Variants in CCSER1 observed in about 807,000 individuals in gnomAD.
CCSER1 encodes coiled-coil serine rich protein 1, also known as serine-rich coiled-coil domain-containing protein 1.
In CCSER1, 41 loss-of-function variants were observed where a neutral mutation model predicts 82.0. That is an observed-to-expected ratio of 0.50 (90% CI 0.39 to 0.65). The LOEUF (loss-of-function observed/expected upper bound fraction) is 0.65, where lower values mean the gene tolerates loss of function less well. CCSER1 is among the 30% of genes least tolerant of loss of function. The probability of loss-of-function intolerance (pLI) is 0.00; values close to 1 mark genes in which losing one functional copy is unlikely to be tolerated. For missense variants in CCSER1, 1,119 were observed against 1,064.2 expected (o/e 1.05, Z -0.72); for synonymous variants, 414 against 383.9 (o/e 1.08, Z -0.92).
intron 1 of CCSER1, among the ~76,000 whole-genome samples, chr4:90,234,480 GT>G (rs1460750757): frequency 6.6e-6 from 1 of 152,130 alleles, no homozygotes; most frequent in Non-Finnish European, 1.5e-5. Flanking sequence ...GCCTCCCAAA[GT>G]GCTAGGATTA....
chr4:91,254,454 CA>C (rs1482685955), intron 10 of CCSER1, among the ~76,000 whole-genome samples: 1 of 152,044 alleles, frequency 6.6e-6, no homozygotes, highest in African/African-American at 2.4e-5. Flanking sequence ...CATAAAATGA[CA>C]AGTACTATCT....
At chr4:90,892,546 C>A (rs1385760029) in intron 8 of CCSER1, among the ~76,000 whole-genome samples, 1 of 151,850 alleles carries the variant, frequency 6.6e-6, no homozygotes, top group East Asian at 1.9e-4. Context: ...ATTTTGTTCT[C>A]ACGTCTTCAA....
chr4:90,956,019 G>A (rs934656894), intron 9 of CCSER1, among the ~76,000 whole-genome samples: 1 of 151,836 alleles, frequency 6.6e-6, no homozygotes, highest in Admixed American at 6.6e-5. Context: ...TGTTTATTCT[G>A]TGTCTCTCTG....
intron 10 of CCSER1, among the ~76,000 whole-genome samples, chr4:91,519,943 TTTG>T (rs1179502875): frequency 6.6e-6 from 1 of 152,214 alleles, no homozygotes; most frequent in Non-Finnish European, 1.5e-5. Context: ...CTTCCCCCAA[TTTG>T]TTTTTTTAGA....
intron 10 of CCSER1, among the ~76,000 whole-genome samples, chr4:91,208,796 CT>C (rs1418110368): frequency 6.6e-6 from 1 of 151,904 alleles, no homozygotes; most frequent in Non-Finnish European, 1.5e-5. Flanking sequence ...CTATAAATTG[CT>C]TTGGGCAGTA....
At chr4:90,689,791 G>A (rs1463506175) in intron 6 of CCSER1, among the ~76,000 whole-genome samples, 2 of 152,110 alleles carry the variant, frequency 1.3e-5, no homozygotes, top group Non-Finnish European at 2.9e-5. Context: ...CTGATTCTGT[G>A]GGAAGCTCTG....
intron 8 of CCSER1, among the ~76,000 whole-genome samples, chr4:90,821,416 T>C (rs1394216561): frequency 6.6e-6 from 1 of 152,110 alleles, no homozygotes; most frequent in African/African-American, 2.4e-5. Flanking sequence ...GAACCAACGT[T>C]CAGAATCAAA....
intron 10 of CCSER1, among the ~76,000 whole-genome samples, chr4:91,210,023 G>A (rs1008240183): frequency 2.6e-5 from 4 of 151,552 alleles, no homozygotes; most frequent in African/African-American, 9.7e-5. Context: ...GGCTACTCTA[G>A]GGCTAGGGTA....
intron 10 of CCSER1, among the ~76,000 whole-genome samples, chr4:91,131,589 A>T (rs774669233): frequency 1.5e-4 from 23 of 152,132 alleles, no homozygotes; most frequent in Non-Finnish European, 2.6e-4. Context: ...GTTCATTAAA[A>T]GAAAAAATCT....
chr4:90,165,216 G>A (rs1204327659), intron 1 of CCSER1, among the ~76,000 whole-genome samples: 1 of 151,960 alleles, frequency 6.6e-6, no homozygotes, highest in Non-Finnish European at 1.5e-5. Context: ...CACAATAGCT[G>A]GTGTTATGCC....
chr4:90,606,181 T>C (rs1050142769), intron 5 of CCSER1, among the ~76,000 whole-genome samples: 1 of 142,140 alleles, frequency 7.0e-6, no homozygotes, highest in Non-Finnish European at 1.5e-5. Flanking sequence ...CCATTATCTC[T>C]TCCTTGCCAT....
At chr4:90,785,893 T>C (rs79034740) in intron 7 of CCSER1, among the ~76,000 whole-genome samples, 28,309 of 152,204 alleles carry the variant, frequency 0.19, 3,296 homozygotes, top group South Asian at 0.27. Flanking sequence ...CAATTGCTTG[T>C]TATTTAGGCT....
chr4:91,115,583 C>G (rs922667188), intron 10 of CCSER1, among the ~76,000 whole-genome samples: 3 of 134,306 alleles, frequency 2.2e-5, no homozygotes, highest in Non-Finnish European at 5.2e-5. Flanking sequence ...CCTTGGTCAA[C>G]TCTTTTTTTA....
chr4:90,293,700 G>T (rs1012531162), intron 1 of CCSER1, among the ~76,000 whole-genome samples: 4 of 150,652 alleles, frequency 2.7e-5, no homozygotes, highest in Non-Finnish European at 5.9e-5. Flanking sequence ...AAAATTTAAG[G>T]CAAATCCAGT....
chr4:91,502,186 A>G (rs1380140795), intron 10 of CCSER1, among the ~76,000 whole-genome samples: 1 of 152,178 alleles, frequency 6.6e-6, no homozygotes, highest in Non-Finnish European at 1.5e-5. Context: ...CATGAAGTTG[A>G]CAAAAGGACT....
chr4:90,891,212 A>G (rs1722918133), intron 8 of CCSER1, among the ~76,000 whole-genome samples: 2 of 151,784 alleles, frequency 1.3e-5, no homozygotes, highest in Non-Finnish European at 1.5e-5. Context: ...GGTCAGTCTT[A>G]TGAATGTATT....
chr4:91,065,452 A>C (rs1399717766), intron 9 of CCSER1, among the ~76,000 whole-genome samples: 1 of 152,180 alleles, frequency 6.6e-6, no homozygotes, highest in Non-Finnish European at 1.5e-5. Context: ...TATTCGATAT[A>C]TACAAGGTTA....
intron 10 of CCSER1, among the ~76,000 whole-genome samples, chr4:91,582,784 T>G (rs1396683109): frequency 6.6e-6 from 1 of 151,432 alleles, no homozygotes; most frequent in East Asian, 1.9e-4. Context: ...AGGGAAACAT[T>G]CATCTTACAG....
At chr4:91,522,933 G>A (rs1177513854) in intron 10 of CCSER1, among the ~76,000 whole-genome samples, 2 of 152,084 alleles carry the variant, frequency 1.3e-5, no homozygotes, top group Non-Finnish European at 2.9e-5. Flanking sequence ...GGTGAGAGAG[G>A]GCATCCCTGT....
Sources: allele counts gnomAD v4.1 joint callset (sites outside exome capture counted in the v4.1 genomes callset), GRCh38; gene constraint gnomAD v4.1.1; transcripts MANE v1.5; gene names NCBI Gene and HGNC (gene_info 2026-07-23, HGNC 2026-07-21).